Variants in CNTNAP2 observed in about 807,000 individuals in gnomAD.
CNTNAP2 encodes the protein contactin associated protein 2, also known as contactin-associated protein-like 2.
In CNTNAP2, 98 loss-of-function variants were observed where a neutral mutation model predicts 155.2. The observed-to-expected ratio is 0.63, with a 90% CI of 0.54 to 0.75. The LOEUF (loss-of-function observed/expected upper bound fraction) is 0.75, where lower values mean the gene tolerates loss of function less well. Ranked by LOEUF, CNTNAP2 falls within the 30% of genes least tolerant of loss-of-function variation. CNTNAP2 has a pLI of 0.00. For missense variants in CNTNAP2, 1,727 were observed against 1,688.1 expected (o/e 1.02, Z -0.40); for synonymous variants, 651 against 631.2 (o/e 1.03, Z -0.47).
intron 13 of CNTNAP2, among the ~76,000 whole-genome samples, chr7:147,893,523 C>T (rs1799726861): frequency 6.6e-6 from 1 of 152,118 alleles, no homozygotes; most frequent in African/African-American, 2.4e-5. Flanking sequence ...GTCCTTTTCC[C>T]AGGTCAGTAT....
At chr7:147,431,380 A>G (rs1797464162) in intron 10 of CNTNAP2, among the ~76,000 whole-genome samples, 1 of 152,122 alleles carries the variant, frequency 6.6e-6, no homozygotes, top group South Asian at 2.1e-4. Context: ...ACTTTAAACT[A>G]TAAACTTTTC....
At chr7:146,675,542 G>A (rs751762323) in intron 1 of CNTNAP2, among the ~76,000 whole-genome samples, 17 of 152,150 alleles carry the variant, frequency 1.1e-4, no homozygotes, top group Non-Finnish European at 2.1e-4. Flanking sequence ...TAAGTCCTGA[G>A]TGCCTGAAAC....
At chr7:146,320,334 G>A (rs1028277662) in intron 1 of CNTNAP2, among the ~76,000 whole-genome samples, 1 of 152,016 alleles carries the variant, frequency 6.6e-6, no homozygotes, top group African/African-American at 2.4e-5. Context: ...CTCCAAAAAA[G>A]ATGTTAATGC....
intron 10 of CNTNAP2, among the ~76,000 whole-genome samples, chr7:147,479,666 C>A: frequency 1.3e-5 from 2 of 150,810 alleles, no homozygotes; most frequent in South Asian, 2.1e-4. Context: ...GGCAGAAAAC[C>A]CAAGTTAAGT....
intron 8 of CNTNAP2, among the ~76,000 whole-genome samples, chr7:147,293,926 T>C (rs1001820810): frequency 3.3e-5 from 5 of 152,174 alleles, no homozygotes; most frequent in Admixed American, 1.3e-4. Context: ...AATGAGAAGG[T>C]GCTGTAATAT....
chr7:146,294,803 C>T (rs996442042), intron 1 of CNTNAP2, among the ~76,000 whole-genome samples: 5 of 152,070 alleles, frequency 3.3e-5, no homozygotes, highest in African/African-American at 1.2e-4. Context: ...AGAATGTTGT[C>T]AGTCATATTG....
intron 21 of CNTNAP2, among the ~76,000 whole-genome samples, chr7:148,307,807 C>CAA (rs959450557): frequency 6.6e-6 from 1 of 151,536 alleles, no homozygotes; most frequent in Non-Finnish European, 1.5e-5. Flanking sequence ...CCCATCTCTA[C>CAA]AAAAAAAACA....
intron 13 of CNTNAP2, among the ~76,000 whole-genome samples, chr7:147,735,924 A>G (rs201809873): frequency 4.0e-5 from 6 of 150,854 alleles, no homozygotes; most frequent in African/African-American, 4.8e-5. Context: ...GTCTCTGCAC[A>G]TGAGATGGGT....
At chr7:146,270,288 G>C (rs802558) in intron 1 of CNTNAP2, among the ~76,000 whole-genome samples, 32,676 of 152,050 alleles carry the variant, frequency 0.21, 9,625 homozygotes, top group African/African-American at 0.67. Context: ...ATTCTTGTCC[G>C]TAAGCACTTA....
At chr7:148,354,173 G>A (rs563210122) in intron 21 of CNTNAP2, among the ~76,000 whole-genome samples, 11 of 134,114 alleles carry the variant, frequency 8.2e-5, no homozygotes, top group South Asian at 4.9e-4. Context: ...AATACGAAAC[G>A]ATTAATTTTT....
At chr7:148,206,887 A>G (rs951345436) in intron 18 of CNTNAP2, among the ~76,000 whole-genome samples, 22 of 152,026 alleles carry the variant, frequency 1.4e-4, no homozygotes, top group African/African-American at 5.1e-4. Context: ...TCAGGATCCA[A>G]CTCAGATGTC....
intron 15 of CNTNAP2, among the ~76,000 whole-genome samples, chr7:148,063,586 AT>A (rs201810938): frequency 0.047 from 6,648 of 140,130 alleles, 177 homozygotes; most frequent in Non-Finnish European, 0.06. Flanking sequence ...TCTTTTTTTA[AT>A]TTTTTTTTTT....
intron 9 of CNTNAP2, among the ~76,000 whole-genome samples, chr7:147,339,309 T>G (rs1288212532): frequency 1.3e-5 from 2 of 152,148 alleles, no homozygotes; most frequent in Admixed American, 1.3e-4. Flanking sequence ...GTCACCCTCC[T>G]GTGGGGGTGT....
intron 1 of CNTNAP2, among the ~76,000 whole-genome samples, chr7:146,127,078 C>T (rs1329136249): frequency 6.6e-6 from 1 of 152,186 alleles, no homozygotes; most frequent in Non-Finnish European, 1.5e-5. Flanking sequence ...TAGTCTCCTC[C>T]TAACCCAACA....
intron 7 of CNTNAP2, among the ~76,000 whole-genome samples, chr7:147,131,186 A>G (rs1801349475): frequency 6.6e-6 from 1 of 150,818 alleles, no homozygotes; most frequent in Non-Finnish European, 1.5e-5. Context: ...ACATATACAT[A>G]TACCATACAC....
intron 20 of CNTNAP2, 118 bp from the exon 21 acceptor site, chr7:148,266,915 T>G: frequency 7.6e-6 from 7 of 920,808 alleles, no homozygotes; most frequent in Non-Finnish European, 1.3e-5. Flanking sequence ...TCAGTGCTGA[T>G]GAAATAAGAT....
intron 1 of CNTNAP2, among the ~76,000 whole-genome samples, chr7:146,656,786 C>T (rs1434827642): frequency 6.6e-6 from 1 of 152,130 alleles, no homozygotes; most frequent in South Asian, 2.1e-4. Context: ...TTATAAACAC[C>T]TTAATCAATT....
intron 13 of CNTNAP2, among the ~76,000 whole-genome samples, chr7:147,743,163 C>A (rs1304877752): frequency 6.6e-6 from 1 of 152,146 alleles, no homozygotes; most frequent in South Asian, 2.1e-4. Context: ...AGGAGTAACA[C>A]GAGAATGGGC....
chr7:146,407,647 A>G (rs1431982132), intron 1 of CNTNAP2, among the ~76,000 whole-genome samples: 1 of 152,154 alleles, frequency 6.6e-6, no homozygotes, highest in Non-Finnish European at 1.5e-5. Context: ...CCTCCTAATC[A>G]TCTACTGCCA....
Sources: allele counts gnomAD v4.1 joint callset (sites outside exome capture counted in the v4.1 genomes callset), GRCh38; gene constraint gnomAD v4.1.1; transcripts MANE v1.5; gene names NCBI Gene and HGNC (gene_info 2026-07-23, HGNC 2026-07-21).